Variants in RNF222 observed in about 807,000 individuals in gnomAD.
The protein encoded by RNF222 is ring finger protein 222.
RNF222 carries 14 observed loss-of-function variants against 10.8 expected under a neutral mutation model. That is an observed-to-expected ratio of 1.30 (90% CI 0.86 to 2.03). RNF222 has a LOEUF of 2.03. Ranked by LOEUF, RNF222 falls within the 30% of genes most tolerant of loss-of-function variation. RNF222 has a pLI of 0.00. For missense variants in RNF222, 298 were observed against 295.8 expected (o/e 1.01, Z -0.06); for synonymous variants, 141 against 142.5 (o/e 0.99, Z 0.07).
At chr17:8,394,022 T>C (rs565182644) in intron 2 of RNF222, among the ~76,000 whole-genome samples, 156 bp downstream of exon 2, 1 of 152,338 alleles carries the variant, frequency 6.6e-6, no homozygotes, top group Non-Finnish European at 1.5e-5. Context: ...GGCGGGTCCA[T>C]TGGATTTCCT....
chr17:8,392,500 C>T lies in RNF222; in HGVS notation c.*299G>A, dbSNP rs1404338372. The T allele has an allele frequency of 4.9e-6, 2 of 411,832 alleles. No individual in the cohort carries two copies. Among genetic ancestry groups the T allele is most frequent in the East Asian group, 5.0e-5 (1 of 19,828 alleles). The allele number at this position is 411,832 out of a possible 1,614,324, so 25.5% of individuals were successfully genotyped here. A position where few individuals can be genotyped will look rare whatever the true frequency, so the allele number is the denominator to read the frequency against. On this transcript the variant is annotated 3_prime_UTR_variant, in exon 3 of 3. Coordinates refer to ENST00000399398, the MANE Select transcript of RNF222 (RefSeq NM_001146684.3). The surrounding 1 kb of genome is among the most constrained non-coding windows in gnomAD (Gnocchi z 4.3). ...CACCTGGCAGGTAAGGTCTGCCGCT[C>T]AGGGCTGGTGAGCCTGCAGGAGGGC...
Position 8,393,066 on chromosome 17 carries a change from G to A in RNF222, c.396C>T (p.Ser132=). 1.3e-6 allele frequency: 2 copies of A among 1,491,038 alleles called. No homozygotes were observed. The highest frequency in any genetic ancestry group is 2.3e-5 in the Admixed American group (1 of 43,690). 92.4% of individuals were successfully genotyped at this position (1,491,038 alleles called of 1,614,324 possible). The change falls in exon 3 of 3, where the codon AGC becomes AGT. Residue 132 remains serine (S), a synonymous_variant. Transcript: ENST00000399398. ...GCAGCAGGTCCAGGGGGAGCTGGGC[G>A]CTCTGGCCCGGGCTGCCTGGCGGCC... ...QARPPGSPGQ[S]AQLPLDLLPS... is the part of the protein sequence containing the mutation.
chr17:8,396,158 G>T (rs189000389), intron 1 of RNF222, among the ~76,000 whole-genome samples: 4 of 152,248 alleles, frequency 2.6e-5, no homozygotes, highest in Non-Finnish European at 5.9e-5. Flanking sequence ...AGCAAATAAG[G>T]AATACTAGAG....
At chr17:8,393,722 G>A (rs891272460) in intron 2 of RNF222, among the ~76,000 whole-genome samples, 4 of 152,126 alleles carry the variant, frequency 2.6e-5, no homozygotes, top group African/African-American at 2.4e-5. Context: ...AGGGAGAATC[G>A]GGAGACAGAG....
chr17:8,393,574 C>G, intron 2 of RNF222, 88 bp from the exon 3 acceptor site: 2 of 1,433,320 alleles, frequency 1.4e-6, no homozygotes, highest in East Asian at 5.0e-5. Flanking sequence ...CCTCCACTGC[C>G]CCTTATCCCC....
rs1907900420 is a variant in RNF222 at position 8,392,997 on chromosome 17, G to T, written c.465C>A (p.His155Gln). 4 of 1,502,516 alleles carry T rather than the reference G, an allele frequency of 2.7e-6. No homozygotes were observed. The highest frequency in any genetic ancestry group is 3.5e-6 in the Non-Finnish European group (4 of 1,131,564). 93.1% of individuals were successfully genotyped at this position (1,502,516 alleles called of 1,614,324 possible). ...RESQIFVISR[H>Q]GMPLGEQDSV... Reference sequence around the variant, plus strand: ...TGTCCTGCTCCCCCAGGGGCATCCCGTGGCGGCTGATGACAAAGATCTGTG... The same window carrying T: ...TGTCCTGCTCCCCCAGGGGCATCCCTTGGCGGCTGATGACAAAGATCTGTG... The change falls in exon 3 of 3, where the codon CAC becomes CAA. Residue 155 changes from histidine (H) to glutamine (Q), a missense_variant. Coordinates refer to ENST00000399398, the MANE Select transcript of RNF222 (RefSeq NM_001146684.3). This position sits in a 1 kb window ranked among gnomAD's most constrained non-coding sequence, Gnocchi z 4.3.
In RNF222 at chr17:8,393,818, G is replaced by A. The variant is rs141934137; in HGVS notation, c.-25-332C>T. Among the ~76,000 whole-genome samples, 7 of 152,296 alleles carry A rather than the reference G, an allele frequency of 4.6e-5. 1 individual carries two copies. The highest frequency in any genetic ancestry group is 3.3e-4 in the Admixed American group (5 of 15,302). On this transcript the variant is annotated intron_variant, in intron 2 of 2. Transcript: ENST00000399398. ...ACCTCAATCATCATGTACACACATG[G>A]TGAGGTCACTGCCTCACCTCTTCCT...
At position 8,392,906 on chromosome 17, in the gene RNF222, C is replaced by T. The variant is rs1013310596; in HGVS notation, c.556G>A (p.Ala186Thr). 8.5e-6 allele frequency: 13 copies of T among 1,532,174 alleles called. No individual in the cohort carries two copies. The highest frequency in any genetic ancestry group is 6.0e-5 in the South Asian group (5 of 83,838). The allele number at this position is 1,532,174 out of a possible 1,614,324, so 94.9% of individuals were successfully genotyped here. The change falls in exon 3 of 3, where the codon GCC (alanine) becomes ACC (threonine). Residue 186 changes from alanine (A) to threonine (T), a missense_variant. Transcript: ENST00000399398. This position sits in a 1 kb window ranked among gnomAD's most constrained non-coding sequence, Gnocchi z 4.3. Reference protein sequence around the residue: ...EASLAPRSARAFCCRSRALLL... With the variant: ...EASLAPRSARTFCCRSRALLL... ...AGGGCCCGCGATCGGCAGCAGAAGG[C>T]GCGGGCGGAGCGGGGCGCCAGGGAG... is the stretch of plus-strand genomic sequence containing the variant.
chr17:8,396,568 G>T (rs908309968), intron 1 of RNF222, among the ~76,000 whole-genome samples: 1 of 151,094 alleles, frequency 6.6e-6, no homozygotes, highest in Admixed American at 6.6e-5. Flanking sequence ...TACAACGATG[G>T]CCTCTCCGGA....
In RNF222 at chr17:8,391,017, T is replaced by G. The variant is rs182828785; in HGVS notation, c.*1782A>C. 51 of 152,182 alleles carry G rather than the reference T, an allele frequency of 3.4e-4. No homozygotes were observed. Among genetic ancestry groups the G allele is most frequent in the African/African-American group, 1.2e-3 (50 of 41,518 alleles). 9.4% of individuals were successfully genotyped at this position (152,182 alleles called of 1,614,324 possible). On this transcript the variant is annotated 3_prime_UTR_variant, in exon 3 of 3. Transcript: ENST00000399398. ...TATCCCTCCCCTCCAATAGCACCTG[T>G]GCTCTTCTGTAATTTTTTTTTTTTT...
Position 8,392,058 on chromosome 17 carries a change from C to G in RNF222, c.*741G>C, listed in dbSNP as rs1381854136. The G allele has an allele frequency of 6.6e-6, 1 of 152,326 alleles. No homozygotes were observed. The highest frequency in any genetic ancestry group is 6.5e-5 in the Admixed American group (1 of 15,284). The allele number at this position is 152,326 out of a possible 1,614,324, so 9.4% of individuals were successfully genotyped here. Reference sequence around the variant, plus strand: ...ACCCCAGGACTCAAAGTTTGGATCCCTCCTTTGGCCTGGAGGGCTCAGGGA... The same window carrying G: ...ACCCCAGGACTCAAAGTTTGGATCCGTCCTTTGGCCTGGAGGGCTCAGGGA... On this transcript the variant is annotated 3_prime_UTR_variant, in exon 3 of 3. Transcript: ENST00000399398. The surrounding 1 kb of genome is among the most constrained non-coding windows in gnomAD (Gnocchi z 4.3).
Position 8,391,991 on chromosome 17 carries a change from T to A in RNF222, c.*808A>T, listed in dbSNP as rs562307293. The A allele has an allele frequency of 6.6e-6, 1 of 152,244 alleles. No homozygotes were observed. Among genetic ancestry groups the A allele is most frequent in the Non-Finnish European group, 1.5e-5 (1 of 68,128 alleles). The allele number at this position is 152,244 out of a possible 1,614,324, so 9.4% of individuals were successfully genotyped here. On this transcript the variant is annotated 3_prime_UTR_variant, in exon 3 of 3. Transcript: ENST00000399398. ...ACATAGTTCTCAGCTGACTCAAGGC[T>A]CGCCTGTCAGGCTTCCCCTCCACTC...
chr17:8,396,483 G>T (rs764358360), intron 1 of RNF222, among the ~76,000 whole-genome samples: 2 of 149,998 alleles, frequency 1.3e-5, no homozygotes, highest in African/African-American at 5.1e-5. Context: ...GAAGACATCC[G>T]AGGCCCCAAT....
chr17:8,393,511 A>T, intron 2 of RNF222, 25 bp from the exon 3 acceptor site: 1 of 1,498,222 alleles, frequency 6.7e-7, no homozygotes, highest in Non-Finnish European at 8.9e-7. Flanking sequence ...GGTTGTGAAT[A>T]TTGGGGCATT....
chr17:8,392,979 C>G lies in RNF222; in HGVS notation c.483G>C (p.Glu161Asp). Residue 161 changes from glutamate (E) to aspartate (D), a missense_variant, in exon 3 of 3, where the codon GAG becomes GAC. By Grantham distance (45) the Glu-to-Asp change is conservative. Coordinates refer to ENST00000399398, the MANE Select transcript of RNF222 (RefSeq NM_001146684.3). The surrounding 1 kb of genome is among the most constrained non-coding windows in gnomAD (Gnocchi z 4.3). ...VISRHGMPLGEQDSVLPRRSL... is the reference protein window; with the variant it reads ...VISRHGMPLGDQDSVLPRRSL... Reference sequence around the variant, plus strand: ...TGCGGCGGGGCAGCACGCTGTCCTGCTCCCCCAGGGGCATCCCGTGGCGGC... The same window carrying G: ...TGCGGCGGGGCAGCACGCTGTCCTGGTCCCCCAGGGGCATCCCGTGGCGGC... 6.6e-7 allele frequency: 1 copy of G among 1,507,466 alleles called. No individual in the cohort carries two copies. Among genetic ancestry groups the G allele is most frequent in the Non-Finnish European group, 8.8e-7 (1 of 1,134,244 alleles). The allele number at this position is 1,507,466 out of a possible 1,614,324, so 93.4% of individuals were successfully genotyped here.
intron 2 of RNF222, among the ~76,000 whole-genome samples, 171 bp from the exon 3 acceptor site, chr17:8,393,657 C>A (rs1907946859): frequency 6.6e-6 from 1 of 152,180 alleles, no homozygotes; most frequent in Admixed American, 6.5e-5. Context: ...TATGGCCCAC[C>A]TGACTCAAAC....
chr17:8,397,528 T>C (rs141793248), intron 1 of RNF222, among the ~76,000 whole-genome samples, 167 bp downstream of exon 1: 43 of 152,284 alleles, frequency 2.8e-4, no homozygotes, highest in African/African-American at 1.0e-3. Flanking sequence ...CAAGGTCCTA[T>C]AGCTTTAGCT....
At position 8,392,676 on chromosome 17, in the gene RNF222, G is replaced by T; in HGVS notation, c.*123C>A. The T allele has an allele frequency of 8.0e-7, 1 of 1,253,998 alleles. No individual in the cohort carries two copies. Among genetic ancestry groups the T allele is most frequent in the South Asian group, 1.5e-5 (1 of 64,806 alleles). The allele number at this position is 1,253,998 out of a possible 1,614,324, so 77.7% of individuals were successfully genotyped here. A position where few individuals can be genotyped will look rare whatever the true frequency, so the allele number is the denominator to read the frequency against. ...GTCGGGGAAGCCCAAGGCCCTCTCT[G>T]TGCCCAGGTCCTCCCCTCTGCCTGC... On this transcript the variant is annotated 3_prime_UTR_variant, in exon 3 of 3. Coordinates refer to ENST00000399398, the MANE Select transcript of RNF222 (RefSeq NM_001146684.3). The surrounding 1 kb of genome is among the most constrained non-coding windows in gnomAD (Gnocchi z 4.3).
chr17:8,392,971 C>T lies in RNF222; in HGVS notation c.491G>A (p.Ser164Asn). Reference protein sequence around the residue: ...RHGMPLGEQDSVLPRRSLAEL... With the variant: ...RHGMPLGEQDNVLPRRSLAEL... Reference sequence around the variant, plus strand: ...TGCCAGGCTGCGGCGGGGCAGCACGCTGTCCTGCTCCCCCAGGGGCATCCC... The same window carrying T: ...TGCCAGGCTGCGGCGGGGCAGCACGTTGTCCTGCTCCCCCAGGGGCATCCC... The change falls in exon 3 of 3, where the codon AGC (serine) becomes AAC (asparagine). Residue 164 changes from serine to asparagine, a missense_variant. Physicochemically the swap from Ser to Asn is conservative, Grantham distance 46 (BLOSUM62 1). Transcript: ENST00000399398. The surrounding 1 kb of genome is among the most constrained non-coding windows in gnomAD (Gnocchi z 4.3). The T allele has an allele frequency of 6.6e-7, 1 of 1,507,902 alleles. No homozygotes were observed. Among genetic ancestry groups the T allele is most frequent in the Non-Finnish European group, 8.8e-7 (1 of 1,134,466 alleles). The allele number at this position is 1,507,902 out of a possible 1,614,324, so 93.4% of individuals were successfully genotyped here.
Sources: allele counts gnomAD v4.1 joint callset (sites outside exome capture counted in the v4.1 genomes callset), GRCh38; gene constraint gnomAD v4.1.1; non-coding constraint Gnocchi (gnomAD v3.1); transcripts MANE v1.5; gene names NCBI Gene and HGNC (gene_info 2026-07-23, HGNC 2026-07-21).